The following INPP4A variants were observed in gnomAD, a reference collection of about 807,000 sequenced individuals.
INPP4A encodes the protein inositol polyphosphate-4-phosphatase, type I, 107kD.
Under a neutral mutation model 119.8 loss-of-function variants are expected in INPP4A, and 33 were observed. That is an observed-to-expected ratio of 0.28 (90% confidence interval 0.21 to 0.37). The LOEUF is 0.37. INPP4A is among the 10% of genes least tolerant of loss of function. The probability of loss-of-function intolerance (pLI) is 1.00; values close to 1 mark genes in which losing one functional copy is unlikely to be tolerated. For synonymous variants in INPP4A, 496 were observed against 500.7 expected (o/e 0.99, Z 0.12); for missense variants, 956 against 1,289.9 (o/e 0.74, Z 3.97).
rs1031172378 is a variant in INPP4A at position 98,546,332 on chromosome 2, A to C, written c.1055-254A>C. ...GGCCCTTCTTCCCAAGGAGGGATGC[A>C]AACGGGAGTTACAGGGTGGCTTCCT... is the stretch of plus-strand genomic sequence containing the variant. On this transcript the variant is annotated intron_variant, in intron 12 of 24. Transcript: ENST00000409851. The surrounding 1 kb of genome is among the most constrained non-coding windows in gnomAD (Gnocchi z 4.2). 6.6e-6 allele frequency among the ~76,000 whole-genome samples: 1 copy of C among 152,254 alleles called. No individual in the cohort carries two copies. Among genetic ancestry groups the C allele is most frequent in the African/African-American group, 2.4e-5 (1 of 41,474 alleles).
rs76878256 is a variant in INPP4A, at chr2:98,553,665, T to C, written c.1348-606T>C. On this transcript the variant is annotated intron_variant, in intron 14 of 24. Transcript: ENST00000409851. The stretch of plus-strand genomic sequence containing the variant: ...TGCTGTTCCTGATCAGAATGTGTTA[T>C]ATCCTTCACAGGTGTTCACACAGCA... Among the ~76,000 whole-genome samples, 103 of 152,300 alleles carry C rather than the reference T, an allele frequency of 6.8e-4. 2 individuals carry two copies. In the East Asian group the frequency reaches 0.01, roughly 15 times the overall value.
intron 18 of INPP4A, among the ~76,000 whole-genome samples, chr2:98,564,059 CTTA>C (rs1312328643): frequency 6.6e-6 from 1 of 151,434 alleles, no homozygotes; most frequent in Non-Finnish European, 1.5e-5. Context: ...GCAGGACTCT[CTTA>C]TTGTTGAGAG....
chr2:98,533,373 G>T lies in INPP4A; in HGVS notation c.152-4G>T. 1 of 1,595,770 alleles carries T rather than the reference G, an allele frequency of 6.3e-7. No individual in the cohort carries two copies. The highest frequency in any genetic ancestry group is 1.1e-5 in the South Asian group (1 of 90,722). On this transcript the variant is annotated splice_polypyrimidine_tract_variant and splice_region_variant and intron_variant, in intron 4 of 24. Transcript: ENST00000409851. ...TTCATTTCTTTCCCGTGTTGATTCT[G>T]TAGCTTGCAGTGAGCTGCATACTCC...
intron 17 of INPP4A, among the ~76,000 whole-genome samples, chr2:98,561,142 G>A (rs1695402568): frequency 6.6e-6 from 1 of 152,170 alleles, no homozygotes; most frequent in African/African-American, 2.4e-5. Context: ...AGCAAAGTAC[G>A]GATTTGAAAG....
In INPP4A at chr2:98,516,067, T is replaced by C. The variant is rs76616878; in HGVS notation, c.-165-2897T>C. On this transcript the variant is annotated intron_variant, in intron 1 of 24. Coordinates refer to ENST00000409851, the MANE Select transcript of INPP4A (RefSeq NM_001134225.2). ...GACAGCTCCCACACATTCTGTCTCC[T>C]CTTCTGCTTAAGTGCAGTTTTTCCT... Among the ~76,000 whole-genome samples the C allele has an allele frequency of 4.0e-3, 613 of 152,288 alleles. 34 individuals are homozygous for C. In the East Asian group the frequency reaches 0.11, roughly 26 times the overall value.
intron 9 of INPP4A, 72 bp from the exon 10 acceptor site, chr2:98,539,456 G>C: frequency 3.3e-6 from 5 of 1,514,680 alleles, no homozygotes; most frequent in Non-Finnish European, 4.5e-6. Context: ...TGAGGGCCGG[G>C]GGAGGAGAAC....
chr2:98,559,528 G>T, intron 17 of INPP4A, 33 bp downstream of exon 17: 3 of 1,608,044 alleles, frequency 1.9e-6, no homozygotes, highest in Non-Finnish European at 2.6e-6. Context: ...TCCTGCTGAT[G>T]CCCTTTTAAT....
intron 1 of INPP4A, among the ~76,000 whole-genome samples, chr2:98,491,247 AT>A (rs1337589337): frequency 8.5e-5 from 13 of 152,260 alleles, no homozygotes; most frequent in Admixed American, 2.0e-4. Flanking sequence ...TAAAGTTTCT[AT>A]TTTCAGCAAC....
In INPP4A at chr2:98,554,510, G is replaced by A. The variant is rs1252382449; in HGVS notation, c.1566+21G>A. The A allele has an allele frequency of 1.9e-6, 3 of 1,601,728 alleles. No individual in the cohort carries two copies. Among genetic ancestry groups the A allele is most frequent in the Non-Finnish European group, 2.6e-6 (3 of 1,171,628 alleles). The stretch of plus-strand genomic sequence containing the variant: ...AGTGGGTGAGTCTGCTGCTGTGGCT[G>A]TCATCCCACTGCTGAACTTGGGCTG... On this transcript the variant is annotated intron_variant, in intron 15 of 24. Transcript: ENST00000409851. The surrounding 1 kb of genome is among the most constrained non-coding windows in gnomAD (Gnocchi z 4.7).
At chr2:98,563,135 C>T (rs1050670426) in intron 17 of INPP4A, among the ~76,000 whole-genome samples, 1 of 152,216 alleles carries the variant, frequency 6.6e-6, no homozygotes, top group African/African-American at 2.4e-5. Context: ...ATTTTCTGGC[C>T]TCGTCATGAC....
chr2:98,550,206 C>T (rs944033383), intron 13 of INPP4A, among the ~76,000 whole-genome samples: 4 of 152,130 alleles, frequency 2.6e-5, no homozygotes, highest in South Asian at 2.1e-4. Context: ...CCGTCTCCCC[C>T]CTGCTCCCCA....
At chr2:98,551,762 C>T (rs983642501) in intron 13 of INPP4A, among the ~76,000 whole-genome samples, 1 of 152,212 alleles carries the variant, frequency 6.6e-6, no homozygotes, top group Non-Finnish European at 1.5e-5. Context: ...AAGGGACACC[C>T]ATTCTACCCA....
intron 24 of INPP4A, chr2:98,581,938 CAAG>C: frequency 9.9e-7 from 1 of 1,008,520 alleles, no homozygotes; most frequent in Non-Finnish European, 1.4e-6. Flanking sequence ...ATTATTTCAC[CAAG>C]AAGACTTGTT....
rs574450449 is a variant in INPP4A at position 98,462,223 on chromosome 2, C to T, written c.-166+17138C>T. On this transcript the variant is annotated intron_variant, in intron 1 of 24. Transcript: ENST00000409851. ...CAGCACTTTGGAAGGCCAAGGTGGG[C>T]GGATCATGAGGTCAGGACATCGAGA... Among the ~76,000 whole-genome samples the T allele has an allele frequency of 4.6e-5, 7 of 152,180 alleles. No homozygotes were observed. In the East Asian group the frequency reaches 7.7e-4, roughly 17 times the overall value.
intron 7 of INPP4A, among the ~76,000 whole-genome samples, chr2:98,537,223 C>T (rs1690463909): frequency 1.3e-5 from 2 of 152,188 alleles, no homozygotes; most frequent in Admixed American, 1.3e-4. Flanking sequence ...TTAAGTGAGA[C>T]CTTGTAAATA....
intron 1 of INPP4A, among the ~76,000 whole-genome samples, chr2:98,488,763 T>C (rs2105186113): frequency 6.6e-6 from 1 of 151,366 alleles, no homozygotes; most frequent in East Asian, 1.9e-4. Flanking sequence ...GAGAGGGGAG[T>C]TGCTTGAGAC....
chr2:98,505,715 T>A (rs1683916585), intron 1 of INPP4A, among the ~76,000 whole-genome samples: 1 of 152,212 alleles, frequency 6.6e-6, no homozygotes, highest in African/African-American at 2.4e-5. Flanking sequence ...CACAGACGCC[T>A]GGGCTTGAGT....
intron 1 of INPP4A, among the ~76,000 whole-genome samples, chr2:98,445,830 A>AT (rs1232569447): frequency 6.6e-6 from 1 of 152,242 alleles, no homozygotes; most frequent in East Asian, 1.9e-4. Context: ...ATGACAGACC[A>AT]TGAAAATGTT....
At chr2:98,545,342 T>C (rs368311079) in intron 11 of INPP4A, among the ~76,000 whole-genome samples, 114 of 152,216 alleles carry the variant, frequency 7.5e-4, no homozygotes, top group African/African-American at 2.7e-3. Context: ...AGAAACAAGA[T>C]TGTGCATATT....
Sources: gnomAD v4.1 joint callset for allele counts (sites outside exome capture counted in the v4.1 genomes callset) on GRCh38, gnomAD v4.1.1 for gene constraint, Gnocchi (gnomAD v3.1) non-coding constraint, MANE v1.5 for transcripts, NCBI Gene and HGNC (gene_info 2026-07-23, HGNC 2026-07-21) for gene names.